GNG2: variants seen among roughly 807,000 people sequenced by gnomAD.
GNG2 encodes the protein guanine nucleotide-binding protein G(I)/G(S)/G(O) subunit gamma-2.
In GNG2, 5 loss-of-function variants were observed where a neutral mutation model predicts 5.5. That is an observed-to-expected ratio of 0.91 (90% CI 0.48 to 1.92). The LOEUF (loss-of-function observed/expected upper bound fraction) is 1.92. Ranked by LOEUF, GNG2 falls within the 30% of genes most tolerant of loss-of-function variation. GNG2 has a pLI of 0.01. For missense variants in GNG2, 55 were observed against 88.4 expected, an observed-to-expected ratio of 0.62 and a Z score of 1.52; for synonymous variants, 28 against 32.0, an observed-to-expected ratio of 0.88 and a Z score of 0.42.
intron 2 of GNG2, among the ~76,000 whole-genome samples, chr14:51,931,312 A>G (rs1887646657): frequency 6.6e-6 from 1 of 152,216 alleles, no homozygotes; most frequent in Non-Finnish European, 1.5e-5. Flanking sequence ...CTGAGCAATC[A>G]GAAGAAATTG....
At chr14:51,965,963 C>G (rs1225680207) in intron 3 of GNG2, among the ~76,000 whole-genome samples, 1 of 152,008 alleles carries the variant, frequency 6.6e-6, no homozygotes, top group Non-Finnish European at 1.5e-5. Flanking sequence ...AATCCCAGCA[C>G]TTTCGGAAGC....
At chr14:51,941,784 TCTC>T (rs147650955) in intron 2 of GNG2, among the ~76,000 whole-genome samples, 2,445 of 152,284 alleles carry the variant, frequency 0.016, 62 homozygotes, top group African/African-American at 0.057. Context: ...GAAAATGAAA[TCTC>T]CTCTAATGGT....
intron 2 of GNG2, among the ~76,000 whole-genome samples, chr14:51,934,200 G>A (rs1289340015): frequency 6.6e-6 from 1 of 152,164 alleles, no homozygotes. Flanking sequence ...GAGGGCCGGA[G>A]AAAAGGCAGT....
At chr14:51,832,284 G>A (rs199861944) in intron 2 of GNG2, among the ~76,000 whole-genome samples, 23 of 127,692 alleles carry the variant, frequency 1.8e-4, no homozygotes, top group East Asian at 6.4e-4. Context: ...GTTACAGGGA[G>A]AAAAAAAAAA....
chr14:51,906,923 T>G (rs1885965208), intron 2 of GNG2, among the ~76,000 whole-genome samples: 1 of 151,768 alleles, frequency 6.6e-6, no homozygotes, highest in African/African-American at 2.4e-5. Context: ...ACCCGGCTAA[T>G]TTTTTGTATT....
chr14:51,833,708 A>G (rs2983087), intron 2 of GNG2, among the ~76,000 whole-genome samples: 144,823 of 152,330 alleles, frequency 0.95, 69,191 homozygotes, highest in East Asian at 1. Flanking sequence ...CATAGAAATG[A>G]TAATACTGAT....
chr14:51,839,215 T>A (rs1354409771), intron 2 of GNG2, among the ~76,000 whole-genome samples: 1 of 152,226 alleles, frequency 6.6e-6, no homozygotes, highest in East Asian at 1.9e-4. Flanking sequence ...CTTGGCTTTA[T>A]ACATTTTAGG....
At chr14:51,955,716 A>G (rs989216501) in intron 3 of GNG2, among the ~76,000 whole-genome samples, 2 of 152,248 alleles carry the variant, frequency 1.3e-5, no homozygotes, top group Admixed American at 6.5e-5. Flanking sequence ...AAAGGATGGA[A>G]TTAGTCATTT....
intron 2 of GNG2, among the ~76,000 whole-genome samples, chr14:51,894,812 A>T (rs1333535389): frequency 3.3e-5 from 5 of 152,122 alleles, no homozygotes; most frequent in African/African-American, 1.2e-4. Context: ...ACTTATTTCT[A>T]AAAACTAGAA....
intron 2 of GNG2, among the ~76,000 whole-genome samples, chr14:51,928,140 C>T (rs1457340873): frequency 2.7e-5 from 4 of 150,252 alleles, no homozygotes; most frequent in African/African-American, 7.4e-5. Flanking sequence ...AAGCAATTCT[C>T]CTGCCTCAGC....
chr14:51,958,097 G>A (rs1417471482), intron 3 of GNG2, among the ~76,000 whole-genome samples: 2 of 152,210 alleles, frequency 1.3e-5, no homozygotes, highest in African/African-American at 2.4e-5. Flanking sequence ...ATTCAGTGGT[G>A]TACAGTCTGC....
intron 2 of GNG2, among the ~76,000 whole-genome samples, chr14:51,880,967 G>GAAAAAAAA (rs11463019): frequency 8.8e-5 from 9 of 101,974 alleles, no homozygotes; most frequent in African/African-American, 1.9e-4. Context: ...CAAAAAAAAA[G>GAAAAAAAA]AAAAAAAAAA....
intron 1 of GNG2, among the ~76,000 whole-genome samples, chr14:51,873,019 T>A (rs973144802): frequency 6.6e-6 from 1 of 152,204 alleles, no homozygotes; most frequent in Non-Finnish European, 1.5e-5. Flanking sequence ...ACCTTAATTA[T>A]TTAAATTAGG....
chr14:51,916,543 A>C, intron 2 of GNG2: 1 of 451,132 alleles, frequency 2.2e-6, no homozygotes, highest in Non-Finnish European at 4.4e-6. Flanking sequence ...TAATCCAATT[A>C]AACTTCTCTC....
rs1884797376 is a variant in GNG2 at position 51,890,860 on chromosome 14, C to A, written c.-30+13203C>A. Among the ~76,000 whole-genome samples the A allele has an allele frequency of 1.3e-5, 2 of 151,410 alleles. 1 individual carries two copies. Among genetic ancestry groups the A allele is most frequent in the Non-Finnish European group, 2.9e-5 (2 of 67,880 alleles). On this transcript the variant is annotated intron_variant, in intron 2 of 3. Transcript: ENST00000556766. The stretch of plus-strand genomic sequence containing the variant: ...AAAAGACAGATTAAAAAGCAAAAAA[C>A]AAACAAGTTTATTAACATGTTTATT...
intron 2 of GNG2, among the ~76,000 whole-genome samples, chr14:51,922,114 G>A (rs956495336): frequency 5.9e-5 from 9 of 152,276 alleles, no homozygotes; most frequent in South Asian, 2.1e-4. Flanking sequence ...GTGTATATGC[G>A]TGTTTGTGTA....
intron 2 of GNG2, among the ~76,000 whole-genome samples, chr14:51,912,609 T>G (rs1886360535): frequency 6.6e-6 from 1 of 152,140 alleles, no homozygotes; most frequent in South Asian, 2.1e-4. Context: ...AAACCAGAAG[T>G]GCCCAGGGGT....
intron 1 of GNG2, among the ~76,000 whole-genome samples, chr14:51,869,723 G>A (rs1352459244): frequency 6.6e-6 from 1 of 152,118 alleles, no homozygotes; most frequent in Non-Finnish European, 1.5e-5. Flanking sequence ...GTGTTACCCA[G>A]ACTGGTCTTG....
chr14:51,898,832 T>C (rs1398664556), intron 2 of GNG2, among the ~76,000 whole-genome samples: 3 of 152,188 alleles, frequency 2.0e-5, no homozygotes, highest in Non-Finnish European at 4.4e-5. Context: ...TATTGTCAAT[T>C]CTCCCTTCAG....
Sources: allele counts gnomAD v4.1 joint callset (sites outside exome capture counted in the v4.1 genomes callset), GRCh38; gene constraint gnomAD v4.1.1; transcripts MANE v1.5; gene names NCBI Gene and HGNC (gene_info 2026-07-23, HGNC 2026-07-21).